POLQ: variants seen among roughly 807,000 people sequenced by gnomAD.
The protein encoded by POLQ is DNA polymerase theta.
In POLQ, 233 loss-of-function variants were observed where a neutral mutation model predicts 259.2. The observed-to-expected ratio is 0.90, with a 90% confidence interval of 0.81 to 1.00. POLQ has a LOEUF of 1.00. POLQ is among the 50% of genes least tolerant of loss of function. POLQ has a pLI of 0.00. For missense variants in POLQ, 2,871 were observed against 3,051.6 expected, an observed-to-expected ratio of 0.94 and a Z score of 1.39; for synonymous variants, 1,025 against 1,048.8, an observed-to-expected ratio of 0.98 and a Z score of 0.44.
In POLQ at chr3:121,487,456, C is replaced by A; in HGVS notation, c.5475G>T (p.Leu1825Phe). 6.2e-7 allele frequency: 1 copy of A among 1,614,022 alleles called. No individual in the cohort carries two copies. The highest frequency in any genetic ancestry group is 8.5e-7 in the Non-Finnish European group (1 of 1,179,968). Reference protein sequence around the residue: ...LTPASSSSESLSIIDVASDQN... With the variant: ...LTPASSSSESFSIIDVASDQN... ...GGTCACTTGCTACATCAATTATGGA[C>A]AAACTTTCTGAACTGCTTGAGGCTG... The change falls in exon 16 of 30, where the codon TTG becomes TTT. Residue 1825 changes from leucine to phenylalanine, a missense_variant. Physicochemically the swap from Leu to Phe is conservative, Grantham distance 22. Around this residue, in one of 3 missense-constraint regions of POLQ, gnomAD observed 2,080 missense variants for 2,126.0 expected, o/e 0.98. Transcript: ENST00000264233.
rs184521207 is a variant in POLQ, at chr3:121,518,296, G to A, written c.1468+1575C>T. On this transcript the variant is annotated intron_variant, in intron 9 of 29. Coordinates refer to ENST00000264233, the MANE Select transcript of POLQ (RefSeq NM_199420.4). ...CTAGGGAACATTAGATAGCATTTCA[G>A]TACTTTGCTTGGGGGTCATGTTAAA... Among the ~76,000 whole-genome samples, 87 of 152,282 alleles carry A rather than the reference G, an allele frequency of 5.7e-4. 1 individual carries two copies. The South Asian group carries it at 7.9e-3, about 14-fold the overall frequency.
rs749695541 is a variant in POLQ at position 121,488,955 on chromosome 3, T to C, written c.3976A>G (p.Thr1326Ala). The C allele has an allele frequency of 3.1e-6, 5 of 1,613,816 alleles. No homozygotes were observed. The Admixed American group carries it at 6.7e-5, about 22-fold the overall frequency. Residue 1326 changes from threonine (T) to alanine (A), a missense_variant, in exon 16 of 30, where the codon ACT (threonine) becomes GCT (alanine). Thr to Ala is a moderately conservative substitution (Grantham distance 58). Transcript: ENST00000264233. ...TGTTGTATTATTTTCTCTGACTGAG[T>C]ATCCAGATAGAAACTATCTTCAAAA... is the stretch of plus-strand genomic sequence containing the variant. ...CDFEDSFYLD[T>A]QSEKIIQQMA...
At chr3:121,535,719 A>AC (rs963139112) in intron 5 of POLQ, among the ~76,000 whole-genome samples, 1 of 148,524 alleles carries the variant, frequency 6.7e-6, no homozygotes, top group African/African-American at 2.6e-5. Context: ...CCATCTCAAA[A>AC]AAAAAAAAAA....
Position 121,488,704 on chromosome 3 carries a change from G to A in POLQ, c.4227C>T (p.Ile1409=). The A allele has an allele frequency of 6.2e-7, 1 of 1,613,888 alleles. No homozygotes were observed. Among genetic ancestry groups the A allele is most frequent in the Non-Finnish European group, 8.5e-7 (1 of 1,179,908 alleles). ...GGAAAATCGGGCTTTCTGGAGTCAG[G>A]ATATCAACCCCATGTGAATCACTGC... is the stretch of plus-strand genomic sequence containing the variant. The part of the protein sequence containing the change: ...KQSSDSHGVD[I]LTPESPIFHS... Residue 1409 remains isoleucine, a synonymous_variant, in exon 16 of 30, where the codon ATC becomes ATT. Transcript: ENST00000264233.
At chr3:121,454,006 A>T (rs988892841) in intron 25 of POLQ, among the ~76,000 whole-genome samples, 2 of 152,256 alleles carry the variant, frequency 1.3e-5, no homozygotes, top group African/African-American at 4.8e-5. Flanking sequence ...CCACAAAGGG[A>T]AGCCCATCAG....
At position 121,466,417 on chromosome 3, in the gene POLQ, G is replaced by GCA. The variant is rs72587264; in HGVS notation, c.6967+1100_6967+1101dup. 1.6e-3 allele frequency among the ~76,000 whole-genome samples: 244 copies of GCA among 148,342 alleles called. 1 individual carries two copies. Among genetic ancestry groups the GCA allele is most frequent in the Middle Eastern group, 7.3e-3 (2 of 274 alleles). On this transcript the variant is annotated intron_variant, in intron 24 of 29. Transcript: ENST00000264233. ...AAATTACCATACACCTTAGCCAGGC[G>GCA]CAGTGGCTCACGCCTGTAATCCCAG...
At chr3:121,465,211 C>A (rs951263278) in intron 24 of POLQ, among the ~76,000 whole-genome samples, 2 of 151,804 alleles carry the variant, frequency 1.3e-5, no homozygotes, top group African/African-American at 4.8e-5. Flanking sequence ...CCCACCACAG[C>A]GTCCTGAGTA....
chr3:121,473,790 G>A (rs565711908), intron 20 of POLQ, among the ~76,000 whole-genome samples: 1 of 139,714 alleles, frequency 7.2e-6, no homozygotes, highest in South Asian at 2.4e-4. Context: ...GTAGTGGTGT[G>A]ATCACAGCTC....
chr3:121,483,585 T>TAAA lies in POLQ; in HGVS notation c.5774-4_5774-3insTTT. On this transcript the variant is annotated splice_region_variant and splice_polypyrimidine_tract_variant and intron_variant, in intron 17 of 29. Coordinates refer to ENST00000264233, the MANE Select transcript of POLQ (RefSeq NM_199420.4). ...TGGAACCAAACTGGCACTAATTTCTTTAAAAAAAAAAAAAAAAAGGAAAAA... is the reference window on the plus strand; with the variant it reads ...TGGAACCAAACTGGCACTAATTTCTTAAATAAAAAAAAAAAAAAAAAGGAAAAA... 6.8e-7 allele frequency: 1 copy of TAAA among 1,473,992 alleles called. No homozygotes were observed. The highest frequency in any genetic ancestry group is 9.0e-7 in the Non-Finnish European group (1 of 1,112,778). The allele number at this position is 1,473,992 out of a possible 1,614,324, so 91.3% of individuals were successfully genotyped here. A position where few individuals can be genotyped will look rare whatever the true frequency, so the allele number is the denominator to read the frequency against.
At chr3:121,471,918 TA>T in intron 22 of POLQ, 71 bp downstream of exon 22, 2 of 833,468 alleles carry the variant, frequency 2.4e-6, no homozygotes, top group Non-Finnish European at 3.5e-6. Context: ...TTGGCCATCA[TA>T]AAAAATATTA....
chr3:121,466,179 T>C (rs1031323579), intron 24 of POLQ, among the ~76,000 whole-genome samples: 9 of 151,706 alleles, frequency 5.9e-5, no homozygotes, highest in Non-Finnish European at 1.2e-4. Context: ...TAAGCCAAAG[T>C]CTAATCCAGA....
Position 121,476,539 on chromosome 3 carries a change from C to T in POLQ, c.6405+1G>A. The T allele has an allele frequency of 6.2e-7, 1 of 1,609,458 alleles. No homozygotes were observed. Among genetic ancestry groups the T allele is most frequent in the African/African-American group, 1.3e-5 (1 of 74,778 alleles). Reference sequence around the variant, plus strand: ...CTATATCCCTAGCCCCATGATACAACCTCAGCGATGTCATCTGAACTGGTG... The same window carrying T: ...CTATATCCCTAGCCCCATGATACAATCTCAGCGATGTCATCTGAACTGGTG... On this transcript the variant is annotated splice_donor_variant, in intron 20 of 29. Coordinates refer to ENST00000264233, the MANE Select transcript of POLQ (RefSeq NM_199420.4). LOFTEE classifies it high-confidence loss of function.
Position 121,433,849 on chromosome 3 carries a change from C to T in POLQ, c.7544-816G>A, listed in dbSNP as rs572087255. 1.9e-3 allele frequency among the ~76,000 whole-genome samples: 291 copies of T among 152,288 alleles called. 1 individual carries two copies. Among genetic ancestry groups the T allele is most frequent in the Non-Finnish European group, 3.2e-3 (221 of 68,012 alleles). ...CAAATTCCCTACTTATCTTTCAGGT[C>T]CAGCATGAGTAACATCTCCCTCAGT... On this transcript the variant is annotated intron_variant, in intron 28 of 29. Coordinates refer to ENST00000264233, the MANE Select transcript of POLQ (RefSeq NM_199420.4).
chr3:121,525,604 T>C (rs1289025020), intron 7 of POLQ, among the ~76,000 whole-genome samples: 1 of 152,180 alleles, frequency 6.6e-6, no homozygotes. Context: ...AATGTTTATA[T>C]ACGGTACCAA....
chr3:121,475,206 C>T (rs1425968092), intron 20 of POLQ, among the ~76,000 whole-genome samples: 2 of 152,162 alleles, frequency 1.3e-5, no homozygotes, highest in African/African-American at 4.8e-5. Context: ...CTCCCCATTT[C>T]CCCGCTCCCT....
intron 28 of POLQ, among the ~76,000 whole-genome samples, chr3:121,434,624 C>T (rs1049515177): frequency 2.0e-5 from 3 of 152,106 alleles, no homozygotes; most frequent in Non-Finnish European, 2.9e-5. Flanking sequence ...GGACTGATGA[C>T]AATATTAATA....
At chr3:121,485,907 A>G (rs2048007392) in intron 16 of POLQ, among the ~76,000 whole-genome samples, 1 of 152,268 alleles carries the variant, frequency 6.6e-6, no homozygotes, top group African/African-American at 2.4e-5. Flanking sequence ...CTTTATGAAC[A>G]AATTAATTCA....
Position 121,494,852 on chromosome 3 carries a change from C to T in POLQ, c.2279-1131G>A, listed in dbSNP as rs200702094. The stretch of plus-strand genomic sequence containing the variant: ...CGTCCTGGGTCCTAAGTCTGTGGCT[C>T]GTATCACCAAGCTCGAAAAGGCAAA... On this transcript the variant is annotated intron_variant, in intron 14 of 29. Coordinates refer to ENST00000264233, the MANE Select transcript of POLQ (RefSeq NM_199420.4). 1.8e-3 allele frequency: 2,804 copies of T among 1,584,738 alleles called. 4 individuals are homozygous for T. Among genetic ancestry groups the T allele is most frequent in the Non-Finnish European group, 2.1e-3 (2,493 of 1,169,162 alleles).
chr3:121,532,124 A>G (rs2048415603), intron 6 of POLQ, among the ~76,000 whole-genome samples: 2 of 152,220 alleles, frequency 1.3e-5, no homozygotes, highest in South Asian at 2.1e-4. Flanking sequence ...TTTAAAAATC[A>G]TATTTAATTC....
Sources: allele counts gnomAD v4.1 joint callset (sites outside exome capture counted in the v4.1 genomes callset), GRCh38; gene constraint gnomAD v4.1.1; regional missense constraint gnomAD v4.1.1; transcripts MANE v1.5; gene names NCBI Gene and HGNC (gene_info 2026-07-23, HGNC 2026-07-21).